Variants in SPECC1 observed in about 807,000 individuals in gnomAD.
SPECC1 encodes the protein sperm antigen with calponin homology and coiled-coil domains 1.
SPECC1 carries 62 observed loss-of-function variants against 104.1 expected under a neutral mutation model. The ratio of observed to expected loss-of-function variants is 0.60; its 90% CI spans 0.49 to 0.74. The LOEUF is 0.74. Ranked by LOEUF, SPECC1 falls within the 30% of genes least tolerant of loss-of-function variation. The pLI is 0.00. For missense variants in SPECC1, 1,306 were observed against 1,310.5 expected (o/e 1.00, Z 0.05); for synonymous variants, 513 against 501.6 (o/e 1.02, Z -0.30).
intron 1 of SPECC1, among the ~76,000 whole-genome samples, chr17:20,087,865 T>G (rs1052526758): frequency 1.3e-5 from 2 of 151,912 alleles, no homozygotes; most frequent in Admixed American, 6.6e-5. Flanking sequence ...TTTGGTGGGG[T>G]GGGAGAGCTA....
At chr17:20,203,058 T>C (rs2036535968) in intron 3 of SPECC1, among the ~76,000 whole-genome samples, 1 of 152,140 alleles carries the variant, frequency 6.6e-6, no homozygotes. Context: ...GTCTTGGTGG[T>C]GGGTTTACAG....
intron 9 of SPECC1, 24 bp downstream of exon 9, chr17:20,247,343 A>G (rs767393180): frequency 1.3e-6 from 2 of 1,556,620 alleles, no homozygotes; most frequent in East Asian, 4.5e-5. Context: ...AGAAATAACC[A>G]CTGCTTATGG....
chr17:20,062,331 A>G (rs2046216835), intron 1 of SPECC1, among the ~76,000 whole-genome samples: 2 of 152,058 alleles, frequency 1.3e-5, no homozygotes, highest in South Asian at 4.1e-4. Flanking sequence ...TGTGCATTAA[A>G]ACGCTTAACA....
chr17:20,069,586 A>G (rs2046474346), intron 1 of SPECC1, among the ~76,000 whole-genome samples: 1 of 152,112 alleles, frequency 6.6e-6, no homozygotes, highest in African/African-American at 2.4e-5. Context: ...TAATTTGTTG[A>G]AAAGACTGTC....
chr17:20,307,081 A>G (rs1295877598), intron 14 of SPECC1, among the ~76,000 whole-genome samples: 3 of 152,220 alleles, frequency 2.0e-5, no homozygotes, highest in Non-Finnish European at 4.4e-5. Flanking sequence ...GTGTTGCCAA[A>G]CTCATTAGAT....
intron 1 of SPECC1, among the ~76,000 whole-genome samples, chr17:20,086,180 T>C (rs2047169536): frequency 1.3e-5 from 2 of 152,206 alleles, no homozygotes; most frequent in Admixed American, 6.5e-5. Flanking sequence ...GCCCTGTGGC[T>C]GTGAGGTGCC....
chr17:20,169,441 C>G (rs1011271445), intron 3 of SPECC1, among the ~76,000 whole-genome samples: 1 of 151,914 alleles, frequency 6.6e-6, no homozygotes, highest in Non-Finnish European at 1.5e-5. Flanking sequence ...ATCTATTTTT[C>G]TTTTTAGATA....
intron 4 of SPECC1, among the ~76,000 whole-genome samples, chr17:20,213,196 C>G (rs184418552): frequency 1.3e-5 from 2 of 152,148 alleles, no homozygotes; most frequent in Admixed American, 1.3e-4. Context: ...TTCCTGGGCT[C>G]CAGTGATCCT....
At chr17:20,062,872 G>A (rs566446728) in intron 1 of SPECC1, among the ~76,000 whole-genome samples, 2 of 152,010 alleles carry the variant, frequency 1.3e-5, no homozygotes, top group South Asian at 4.2e-4. Context: ...ATTTTTAGTG[G>A]AGACAGGGTT....
intron 1 of SPECC1, among the ~76,000 whole-genome samples, chr17:20,054,791 C>T (rs2045900117): frequency 6.6e-6 from 1 of 152,036 alleles, no homozygotes; most frequent in Non-Finnish European, 1.5e-5. Context: ...CCTCAGCCTC[C>T]CTAGGAGTGC....
chr17:20,088,064 C>T (rs927838836), intron 1 of SPECC1, among the ~76,000 whole-genome samples: 1 of 151,864 alleles, frequency 6.6e-6, no homozygotes, highest in African/African-American at 2.4e-5. Context: ...ACATGAAGCA[C>T]AGTGAGCAGG....
intron 1 of SPECC1, among the ~76,000 whole-genome samples, chr17:20,020,217 A>G (rs1016186715): frequency 6.6e-6 from 1 of 152,202 alleles, no homozygotes; most frequent in Admixed American, 6.5e-5. Context: ...TTTTAGTTTG[A>G]AAGGCTTTTC....
At chr17:20,023,465 A>G (rs2044475167) in intron 1 of SPECC1, among the ~76,000 whole-genome samples, 1 of 152,144 alleles carries the variant, frequency 6.6e-6, no homozygotes, top group Admixed American at 6.6e-5. Context: ...CAGATGAGGG[A>G]GCAGGCAATT....
At chr17:20,284,965 CA>C (rs764496326) in intron 12 of SPECC1, among the ~76,000 whole-genome samples, 29 of 152,300 alleles carry the variant, frequency 1.9e-4, no homozygotes, top group Non-Finnish European at 3.2e-4. Context: ...CATTCACAGA[CA>C]CCTCATGGAG....
intron 11 of SPECC1, among the ~76,000 whole-genome samples, chr17:20,259,140 G>C (rs1378762491): frequency 6.6e-6 from 1 of 152,150 alleles, no homozygotes; most frequent in African/African-American, 2.4e-5. Flanking sequence ...AATAAATTCA[G>C]GTCTTGTTAC....
intron 10 of SPECC1, among the ~76,000 whole-genome samples, chr17:20,256,324 C>T (rs902056950): frequency 6.6e-6 from 1 of 152,178 alleles, no homozygotes; most frequent in Non-Finnish European, 1.5e-5. Context: ...ACTGTTATTA[C>T]AGCAAAGGAT....
chr17:20,209,867 T>C (rs1199356232), intron 4 of SPECC1, among the ~76,000 whole-genome samples: 1 of 152,260 alleles, frequency 6.6e-6, no homozygotes, highest in Non-Finnish European at 1.5e-5. Context: ...TTTTCTGGGC[T>C]TGAAACCTAG....
intron 1 of SPECC1, among the ~76,000 whole-genome samples, chr17:20,090,918 T>C (rs1216487719): frequency 6.6e-6 from 1 of 152,202 alleles, no homozygotes; most frequent in East Asian, 1.9e-4. Flanking sequence ...CTCCATATTA[T>C]ACCCTATTCC....
At position 20,257,412 on chromosome 17, in the gene SPECC1, C is replaced by T. The variant is rs2039871653; in HGVS notation, c.2681-39C>T. 2.6e-6 allele frequency: 4 copies of T among 1,537,086 alleles called. No individual in the cohort carries two copies. In the South Asian group the frequency reaches 3.8e-5, roughly 15 times the overall value. On this transcript the variant is annotated intron_variant, in intron 10 of 14. Coordinates refer to ENST00000395527, the MANE Select transcript of SPECC1 (RefSeq NM_001243439.2). Reference sequence around the variant, plus strand: ...GAAGTATGATGGCAGTCAAGAGCTGCTTCTTTGGGAATGAGTGATTATGTG... The same window carrying T: ...GAAGTATGATGGCAGTCAAGAGCTGTTTCTTTGGGAATGAGTGATTATGTG...
Sources: gnomAD v4.1 joint callset for allele counts (sites outside exome capture counted in the v4.1 genomes callset) on GRCh38, gnomAD v4.1.1 for gene constraint, MANE v1.5 for transcripts, NCBI Gene and HGNC (gene_info 2026-07-23, HGNC 2026-07-21) for gene names.